Variants in TRMT44 observed in about 807,000 individuals in gnomAD.
TRMT44 encodes probable tRNA (uracil-O(2)-)-methyltransferase.
In TRMT44, 78 loss-of-function variants were observed where a neutral mutation model predicts 77.3. The observed-to-expected ratio is 1.01, with a 90% CI of 0.84 to 1.22. The LOEUF (loss-of-function observed/expected upper bound fraction) is 1.22. Ranked by LOEUF, TRMT44 falls within the 50% of genes most tolerant of loss-of-function variation. The pLI is 0.00. For synonymous variants in TRMT44, 391 were observed against 383.3 expected (o/e 1.02, Z -0.23); for missense variants, 1,090 against 964.4 (o/e 1.13, Z -1.73).
In TRMT44 at chr4:8,441,084, C is replaced by G; in HGVS notation, c.262C>G (p.Leu88Val). The change falls in exon 1 of 11, where the codon CTA becomes GTA. Residue 88 changes from leucine (L) to valine (V), a missense_variant. By Grantham distance (32) the Leu-to-Val change is conservative. Coordinates refer to ENST00000389737, the MANE Select transcript of TRMT44 (RefSeq NM_152544.3). ...SPGGGPGPRS[L>V]SGPEQGTACC... ...CGGAGGGGGCCCGGGTCCCAGGTCG[C>G]TATCAGGACCCGAGCAGGGCACGGC... The G allele has an allele frequency of 4.0e-6, 6 of 1,494,398 alleles. No homozygotes were observed. Among genetic ancestry groups the G allele is most frequent in the Non-Finnish European group, 5.3e-6 (6 of 1,126,650 alleles). The allele number at this position is 1,494,398 out of a possible 1,614,324, so 92.6% of individuals were successfully genotyped here.
chr4:8,488,420 C>T (rs1235125134), intron 2 of TRMT44, among the ~76,000 whole-genome samples: 1 of 152,140 alleles, frequency 6.6e-6, no homozygotes, highest in African/African-American at 2.4e-5. Flanking sequence ...AGGAAAATTA[C>T]AGTCAAAGGA....
chr4:8,460,803 G>A (rs529369316), intron 6 of TRMT44, among the ~76,000 whole-genome samples: 1 of 152,168 alleles, frequency 6.6e-6, no homozygotes, highest in East Asian at 1.9e-4. Context: ...CACCTGCCTC[G>A]GCCTCCCAAA....
At chr4:8,449,947 TTC>T in intron 3 of TRMT44, 59 bp downstream of exon 3, 75 of 594,450 alleles carry the variant, frequency 1.3e-4, no homozygotes, top group South Asian at 1.9e-4. Context: ...TTCTTTTCTT[TTC>T]TTTTTTTTTT....
chr4:8,512,375 T>G, the TRMT44 span: 1 of 152,216 alleles, frequency 6.6e-6, no homozygotes, highest in Non-Finnish European at 1.5e-5. Context: ...GCCCATTGTT[T>G]TTAATTATCA....
chr4:8,493,250 T>A (rs895618369), intron 2 of TRMT44: 1 of 152,184 alleles, frequency 6.6e-6, no homozygotes, highest in African/African-American at 2.4e-5. Flanking sequence ...AGATGAGTGC[T>A]TAACATCTTT....
chr4:8,504,631 C>T, the TRMT44 span, among the ~76,000 whole-genome samples: 1 of 152,192 alleles, frequency 6.6e-6, no homozygotes, highest in Non-Finnish European at 1.5e-5. The surrounding 1 kb of genome is among the most constrained non-coding windows in gnomAD (Gnocchi z 5.3). Flanking sequence ...TCATCTCTTC[C>T]ACCCGGGAGG....
the TRMT44 span, chr4:8,510,388 C>T: frequency 6.5e-6 from 1 of 152,884 alleles, no homozygotes; most frequent in Non-Finnish European, 1.5e-5. Flanking sequence ...GGCCCTCCCT[C>T]CACACTGAAG....
the TRMT44 span, among the ~76,000 whole-genome samples, chr4:8,498,972 G>T: frequency 6.6e-6 from 1 of 152,088 alleles, no homozygotes; most frequent in Non-Finnish European, 1.5e-5. This position sits in a 1 kb window ranked among gnomAD's most constrained non-coding sequence, Gnocchi z 4.3. Context: ...AGGTAAGGGG[G>T]TCCCTCGTGG....
Position 8,449,748 on chromosome 4 carries a change from G to A in TRMT44, c.814G>A (p.Glu272Lys). ...IVYPKPTWLG[E>K]ELLAKLAKWS... ...GTATCCCAAACCCACGTGGCTTGGA[G>A]AAGAGTTGCTGGCCAAGTTGGCCAA... Residue 272 changes from glutamate to lysine, a missense_variant, in exon 3 of 11, where the codon GAA becomes AAA. Glu to Lys is a moderately conservative substitution (Grantham distance 56, BLOSUM62 1). Coordinates refer to ENST00000389737, the MANE Select transcript of TRMT44 (RefSeq NM_152544.3). 1 of 1,536,100 alleles carries A rather than the reference G, an allele frequency of 6.5e-7. No individual in the cohort carries two copies. The highest frequency in any genetic ancestry group is 8.7e-7 in the Non-Finnish European group (1 of 1,146,898).
rs1189156777 is a variant in TRMT44, at chr4:8,449,994, ACCCC to A, written c.954+110_954+113del. On this transcript the variant is annotated intron_variant, in intron 3 of 10. Coordinates refer to ENST00000389737, the MANE Select transcript of TRMT44 (RefSeq NM_152544.3). The stretch of plus-strand genomic sequence containing the variant: ...TTTTTTGCGACAGTCTTGTTCTGTC[ACCCC>A]CCCAAAAAAAAGGGCCAGAGTGAAG... 6.8e-3 allele frequency: 3,943 copies of A among 579,944 alleles called. 35 individuals carry two copies. Among genetic ancestry groups the A allele is most frequent in the African/African-American group, 0.03 (742 of 24,346 alleles). The allele number at this position is 579,944 out of a possible 1,614,324, so 35.9% of individuals were successfully genotyped here. A position where few individuals can be genotyped will look rare whatever the true frequency, so the allele number is the denominator to read the frequency against.
At position 8,475,974 on chromosome 4, in the gene TRMT44, G is replaced by GACCACCCCGA; in HGVS notation, c.2248_2257dup (p.Arg753AsnfsTer77). ...GGCCTGCGGAGCTGCGGCCACCCCG[G>GACCACCCCGA]ACCACCCCGAGGAAGAAGATTTCAT... On this transcript the variant is annotated frameshift_variant, in exon 11 of 11. Transcript: ENST00000389737. LOFTEE classifies it high-confidence loss of function. 6.2e-7 allele frequency: 1 copy of GACCACCCCGA among 1,613,994 alleles called. No individual in the cohort carries two copies. Among genetic ancestry groups the GACCACCCCGA allele is most frequent in the Non-Finnish European group, 8.5e-7 (1 of 1,180,030 alleles).
chr4:8,491,431 T>C (rs1003485577), intron 2 of TRMT44, among the ~76,000 whole-genome samples: 1 of 152,134 alleles, frequency 6.6e-6, no homozygotes, highest in African/African-American at 2.4e-5. Context: ...CCTTGGGTGG[T>C]CGATGGGACT....
chr4:8,487,021 C>T (rs935789720), intron 2 of TRMT44, among the ~76,000 whole-genome samples: 9 of 151,660 alleles, frequency 5.9e-5, no homozygotes, highest in Admixed American at 2.6e-4. Context: ...AGGTTTGGGA[C>T]GAGTTGCACT....
At chr4:8,485,980 C>A (rs1310565385) in intron 2 of TRMT44, among the ~76,000 whole-genome samples, 1 of 152,132 alleles carries the variant, frequency 6.6e-6, no homozygotes, top group African/African-American at 2.4e-5. Context: ...GTGAGAGTTA[C>A]CTAAAGCTTG....
At chr4:8,485,230 G>A (rs188694911) in intron 2 of TRMT44, among the ~76,000 whole-genome samples, 12 of 152,270 alleles carry the variant, frequency 7.9e-5, no homozygotes, top group South Asian at 2.1e-4. Flanking sequence ...TGGGATGAGG[G>A]GTGCAGGGGA....
chr4:8,513,270 T>C, the TRMT44 span, among the ~76,000 whole-genome samples: 1 of 152,320 alleles, frequency 6.6e-6, no homozygotes, highest in African/African-American at 2.4e-5. Flanking sequence ...AAGTCACATC[T>C]TACATGGCTG....
At chr4:8,494,977 A>C (rs1379925964), downstream of TRMT44, among the ~76,000 whole-genome samples, 1 of 152,032 alleles carries the variant, frequency 6.6e-6, no homozygotes, top group African/African-American at 2.4e-5. Flanking sequence ...CATGGTAAGC[A>C]TTAAACACGG....
Position 8,444,265 on chromosome 4 carries a change from C to G in TRMT44, c.620-2211C>G, listed in dbSNP as rs1473034407. 6.6e-6 allele frequency among the ~76,000 whole-genome samples: 1 copy of G among 151,466 alleles called. No individual in the cohort carries two copies. Among genetic ancestry groups the G allele is most frequent in the Non-Finnish European group, 1.5e-5 (1 of 67,942 alleles). On this transcript the variant is annotated intron_variant, in intron 1 of 10. Coordinates refer to ENST00000389737, the MANE Select transcript of TRMT44 (RefSeq NM_152544.3). This position sits in a 1 kb window ranked among gnomAD's most constrained non-coding sequence, Gnocchi z 4.0. ...GACATAGAGAGTGGAAGGATGGTTA[C>G]CAGAGGGTGGGAAGGGGAGTGGAGG...
chr4:8,516,575 T>C, the TRMT44 span, among the ~76,000 whole-genome samples: 4 of 151,302 alleles, frequency 2.6e-5, no homozygotes, highest in Admixed American at 6.6e-5. Flanking sequence ...AGGCCAGGAG[T>C]TCAAGACCAG....
Sources: gnomAD v4.1 joint callset for allele counts (sites outside exome capture counted in the v4.1 genomes callset) on GRCh38, gnomAD v4.1.1 for gene constraint, Gnocchi (gnomAD v3.1) non-coding constraint, MANE v1.5 for transcripts, NCBI Gene and HGNC (gene_info 2026-07-23, HGNC 2026-07-21) for gene names.